The following PDZRN3 variants were observed in gnomAD, a reference collection of about 807,000 sequenced individuals.
The protein encoded by PDZRN3 is E3 ubiquitin-protein ligase PDZRN3.
A neutral mutation model predicts 85.7 loss-of-function variants in PDZRN3; 38 were observed. That is an observed-to-expected ratio of 0.44 (90% confidence interval 0.34 to 0.58). PDZRN3 has a LOEUF of 0.58. PDZRN3 is among the 20% of genes least tolerant of loss of function. PDZRN3 has a pLI of 0.01. For synonymous variants in PDZRN3, 759 were observed against 638.0 expected (o/e 1.19, Z -2.86); for missense variants, 1,629 against 1,506.4 (o/e 1.08, Z -1.35).
intron 3 of PDZRN3, among the ~76,000 whole-genome samples, chr3:73,452,839 CTGTGTGTGTG>C (rs35308043): frequency 4.5e-4 from 63 of 140,720 alleles, no homozygotes; most frequent in African/African-American, 1.3e-3. Flanking sequence ...GTCCATATAT[CTGTGTGTGTG>C]TGTGTGTGTG....
intron 3 of PDZRN3, among the ~76,000 whole-genome samples, chr3:73,492,632 G>A (rs1480397013): frequency 6.6e-6 from 1 of 152,190 alleles, no homozygotes; most frequent in Admixed American, 6.5e-5. Flanking sequence ...AGCACCCAAG[G>A]AGGCAGTGTG....
chr3:73,531,834 G>A (rs1360644945), intron 3 of PDZRN3, among the ~76,000 whole-genome samples: 1 of 152,162 alleles, frequency 6.6e-6, no homozygotes, highest in African/African-American at 2.4e-5. Context: ...CATGAAGGAG[G>A]GAAATGAACC....
At chr3:73,618,488 T>TA (rs1043095051) in intron 1 of PDZRN3, among the ~76,000 whole-genome samples, 1 of 152,176 alleles carries the variant, frequency 6.6e-6, no homozygotes, top group East Asian at 1.9e-4. Context: ...CTACTCCCAT[T>TA]AAAAAAAGAG....
At chr3:73,545,037 CCG>C (rs1337021880) in intron 3 of PDZRN3, among the ~76,000 whole-genome samples, 1 of 152,168 alleles carries the variant, frequency 6.6e-6, no homozygotes, top group African/African-American at 2.4e-5. Context: ...AAAAAAAGGT[CCG>C]CTTAGATTAT....
chr3:73,562,287 A>G (rs1701835039), intron 3 of PDZRN3, among the ~76,000 whole-genome samples: 1 of 152,200 alleles, frequency 6.6e-6, no homozygotes, highest in African/African-American at 2.4e-5. Context: ...AAAAGCTAAT[A>G]AAAGAAATCT....
At position 73,624,554 on chromosome 3, in the gene PDZRN3, C is replaced by G; in HGVS notation, c.272G>C (p.Arg91Pro). ...CGGCAGCTGCTGCAGCTTGACCACC[C>G]GGCCGCAGCCGCGCGTCGCGTACGC... is the stretch of plus-strand genomic sequence containing the variant. ...KCAYATRGCG[R>P]VVKLQQLPEH... The change falls in exon 1 of 10, where the codon CGG becomes CCG. Residue 91 changes from arginine to proline, a missense_variant. Transcript: ENST00000263666. 1 of 1,520,282 alleles carries G rather than the reference C, an allele frequency of 6.6e-7. No homozygotes were observed. Among genetic ancestry groups the G allele is most frequent in the Non-Finnish European group, 8.8e-7 (1 of 1,139,748 alleles). 94.2% of individuals were successfully genotyped at this position (1,520,282 alleles called of 1,614,324 possible). A position where few individuals can be genotyped will look rare whatever the true frequency, so the allele number is the denominator to read the frequency against.
chr3:73,622,677 A>C (rs1278558801), intron 1 of PDZRN3, among the ~76,000 whole-genome samples: 1 of 152,156 alleles, frequency 6.6e-6, no homozygotes, highest in Admixed American at 6.5e-5. Flanking sequence ...GGGGCCCAAA[A>C]TGCCAATATG....
intron 3 of PDZRN3, among the ~76,000 whole-genome samples, chr3:73,479,878 G>C (rs144675225): frequency 6.6e-6 from 1 of 152,098 alleles, no homozygotes; most frequent in Non-Finnish European, 1.5e-5. Context: ...TATGAGTTGC[G>C]GGGGGCGGGG....
intron 3 of PDZRN3, among the ~76,000 whole-genome samples, chr3:73,545,248 C>T (rs936119563): frequency 6.6e-6 from 1 of 152,106 alleles, no homozygotes; most frequent in Admixed American, 6.5e-5. Flanking sequence ...GCCACCAGGG[C>T]CCCTTTCATT....
chr3:73,444,009 T>C lies in PDZRN3; in HGVS notation c.919-39614A>G, dbSNP rs184449418. ...TAACATGGCTGGAACGAACGCGCAATTGGTACTGAATTTCAGCCTCACTGT... is the reference window on the plus strand; with the variant it reads ...TAACATGGCTGGAACGAACGCGCAACTGGTACTGAATTTCAGCCTCACTGT... On this transcript the variant is annotated intron_variant, in intron 3 of 9. Transcript: ENST00000263666. Among the ~76,000 whole-genome samples, 4 of 152,284 alleles carry C rather than the reference T, an allele frequency of 2.6e-5. No homozygotes were observed. In the East Asian group the frequency reaches 5.8e-4, roughly 22 times the overall value.
intron 3 of PDZRN3, among the ~76,000 whole-genome samples, chr3:73,409,865 C>G (rs1189897006): frequency 6.6e-6 from 1 of 152,168 alleles, no homozygotes; most frequent in Admixed American, 6.5e-5. Context: ...AAATTAGAAA[C>G]TAAGTACCTA....
intron 3 of PDZRN3, among the ~76,000 whole-genome samples, chr3:73,481,581 C>T (rs1052241536): frequency 1.3e-5 from 2 of 152,004 alleles, no homozygotes; most frequent in Non-Finnish European, 1.5e-5. Flanking sequence ...CTGCCCACCT[C>T]AGCCTCCCAA....
intron 3 of PDZRN3, among the ~76,000 whole-genome samples, chr3:73,588,132 G>A (rs1267950686): frequency 6.6e-6 from 1 of 151,990 alleles, no homozygotes; most frequent in African/African-American, 2.4e-5. Context: ...TCCTCTCTGT[G>A]TCCATGTGTT....
rs1702938722 is a variant in PDZRN3, at chr3:73,624,598, G to A, written c.228C>T (p.Leu76=). ...NHVLPLKRLI[L]KLDIKCAYAT... Reference sequence around the variant, plus strand: ...CGTACGCGCACTTGATGTCCAGCTTGAGGATAAGGCGCTTGAGCGGCAGGA... The same window carrying A: ...CGTACGCGCACTTGATGTCCAGCTTAAGGATAAGGCGCTTGAGCGGCAGGA... Residue 76 remains leucine (L), a synonymous_variant, in exon 1 of 10, where the codon CTC becomes CTT. Coordinates refer to ENST00000263666, the MANE Select transcript of PDZRN3 (RefSeq NM_015009.3). 1.3e-6 allele frequency: 2 copies of A among 1,556,990 alleles called. No homozygotes were observed. Among genetic ancestry groups the A allele is most frequent in the East Asian group, 2.6e-5 (1 of 38,142 alleles).
intron 3 of PDZRN3, among the ~76,000 whole-genome samples, chr3:73,451,205 T>A (rs954451628): frequency 6.6e-6 from 1 of 152,114 alleles, no homozygotes; most frequent in South Asian, 2.1e-4. Flanking sequence ...CGAAACTGGC[T>A]CACATCCACA....
At chr3:73,609,486 C>A (rs1425799295) in intron 1 of PDZRN3, among the ~76,000 whole-genome samples, 1 of 152,196 alleles carries the variant, frequency 6.6e-6, no homozygotes, top group Non-Finnish European at 1.5e-5. Context: ...TATGTGAAAA[C>A]TGTCACGTAA....
rs376705004 is a variant in PDZRN3 at position 73,575,054 on chromosome 3, G to A, written c.918+27300C>T. Among the ~76,000 whole-genome samples the A allele has an allele frequency of 2.1e-4, 32 of 152,272 alleles. No individual in the cohort carries two copies. In the East Asian group the frequency reaches 4.6e-3, roughly 22 times the overall value. On this transcript the variant is annotated intron_variant, in intron 3 of 9. Transcript: ENST00000263666. Reference sequence around the variant, plus strand: ...AAAAAGTTAGTAAGTTAATACAGCAGAAAATCCCCAAGCTCTAAAGGACTT... The same window carrying A: ...AAAAAGTTAGTAAGTTAATACAGCAAAAAATCCCCAAGCTCTAAAGGACTT...
At chr3:73,596,330 G>T (rs1392784227) in intron 3 of PDZRN3, among the ~76,000 whole-genome samples, 1 of 152,170 alleles carries the variant, frequency 6.6e-6, no homozygotes, top group African/African-American at 2.4e-5. Context: ...ATCACCATTT[G>T]TCAATCATCA....
chr3:73,490,910 CA>C (rs1282102601), intron 3 of PDZRN3, among the ~76,000 whole-genome samples: 2 of 152,198 alleles, frequency 1.3e-5, no homozygotes, highest in African/African-American at 4.8e-5. Context: ...TAAGTGCAGG[CA>C]CAGCAGTCCT....
Sources: allele counts gnomAD v4.1 joint callset (sites outside exome capture counted in the v4.1 genomes callset), GRCh38; gene constraint gnomAD v4.1.1; transcripts MANE v1.5; gene names NCBI Gene and HGNC (gene_info 2026-07-23, HGNC 2026-07-21).